Variants in FANCB observed in about 807,000 individuals in gnomAD.
FANCB encodes the protein Fanconi anemia group B protein.
In FANCB, 5 loss-of-function variants were observed where a neutral mutation model predicts 38.9. That is an observed-to-expected ratio of 0.13 (90% confidence interval 0.07 to 0.27). The LOEUF (loss-of-function observed/expected upper bound fraction) is 0.27. FANCB is among the 10% of genes least tolerant of loss of function. The pLI, the probability that FANCB is intolerant of heterozygous loss-of-function variation, is 1.00. For synonymous variants in FANCB, 236 were observed against 215.4 expected, an observed-to-expected ratio of 1.10 and a Z score of -0.84; for missense variants, 573 against 602.7, an observed-to-expected ratio of 0.95 and a Z score of 0.52.
At chrX:14,870,256 A>G (rs970325463) in intron 1 of FANCB, among the ~76,000 whole-genome samples, 1 of 111,859 alleles carries the variant, frequency 8.9e-6, no homozygotes, top group Admixed American at 9.5e-5. Flanking sequence ...CATATCTGGA[A>G]ACAAATCAAA....
intron 5 of FANCB, among the ~76,000 whole-genome samples, chrX:14,853,501 C>T (rs971021822): frequency 2.7e-5 from 3 of 111,737 alleles, no homozygotes; most frequent in African/African-American, 9.8e-5. Context: ...TACAAATACA[C>T]TCACCCCACA....
At chrX:14,794,210 G>A in the FANCB span, among the ~76,000 whole-genome samples, 89 of 111,463 alleles carry the variant, frequency 8.0e-4, no homozygotes, top group East Asian at 0.021. Context: ...GATTTTTAAC[G>A]TATCTTAGAG....
the FANCB span, among the ~76,000 whole-genome samples, chrX:14,811,323 C>T: frequency 9.0e-6 from 1 of 111,677 alleles, no homozygotes; most frequent in East Asian, 2.8e-4. Context: ...ACAATATTAA[C>T]TTTAAATGTA....
At chrX:14,845,559 AG>A (rs1417355888) in intron 7 of FANCB, among the ~76,000 whole-genome samples, 1 of 111,935 alleles carries the variant, frequency 8.9e-6, no homozygotes, top group East Asian at 2.8e-4. Context: ...GAATGGTATT[AG>A]GAATGATAGT....
At chrX:14,816,096 G>T in the FANCB span, among the ~76,000 whole-genome samples, 1 of 111,635 alleles carries the variant, frequency 9.0e-6, no homozygotes, top group East Asian at 2.8e-4. Context: ...TATACTAAGA[G>T]CCCAGACTTC....
the FANCB span, among the ~76,000 whole-genome samples, chrX:14,773,212 G>A: frequency 1.8e-5 from 2 of 112,474 alleles, no homozygotes; most frequent in Non-Finnish European, 3.8e-5. Flanking sequence ...TTTAAAAGGT[G>A]TTTGTGAACA....
At chrX:14,692,426 G>A in the FANCB span, among the ~76,000 whole-genome samples, 9 of 111,848 alleles carry the variant, frequency 8.0e-5, no homozygotes. Context: ...ACAGTACAGA[G>A]TTAAAAGAAT....
At chrX:14,821,299 A>G in the FANCB span, among the ~76,000 whole-genome samples, 1 of 111,954 alleles carries the variant, frequency 8.9e-6, no homozygotes, top group African/African-American at 3.2e-5. Context: ...ACACACTATA[A>G]TTGTATCACA....
At position 14,843,562 on chromosome X, in the gene FANCB, T is replaced by G; in HGVS notation, c.*5A>C. The G allele has an allele frequency of 4.4e-6, 5 of 1,147,702 alleles. No homozygotes were observed. The highest frequency in any genetic ancestry group is 5.9e-6 in the Non-Finnish European group (5 of 844,452). 94.6% of individuals were successfully genotyped at this position (1,147,702 alleles called of 1,213,427 possible). A position where few individuals can be genotyped will look rare whatever the true frequency, so the allele number is the denominator to read the frequency against. On this transcript the variant is annotated 3_prime_UTR_variant, in exon 10 of 10. Coordinates refer to ENST00000650831, the MANE Select transcript of FANCB (RefSeq NM_001018113.3). ...TTTTAAAATATGATCAAATTGAAATTATAATTATAAATTACTCAGTTTCTG... is the reference window on the plus strand; with the variant it reads ...TTTTAAAATATGATCAAATTGAAATGATAATTATAAATTACTCAGTTTCTG...
chrX:14,828,053 A>G, the FANCB span, among the ~76,000 whole-genome samples: 1 of 112,626 alleles, frequency 8.9e-6, no homozygotes, highest in Non-Finnish European at 1.9e-5. Context: ...TACTAAGTGT[A>G]TAACAGCATT....
In FANCB at chrX:14,837,583, GGAT is replaced by G. The variant is rs765465738; in HGVS notation, c.*1567-1331_*1567-1329del. 5.3e-5 allele frequency among the ~76,000 whole-genome samples: 6 copies of G among 112,253 alleles called. No individual in the cohort carries two copies. In the East Asian group the frequency reaches 1.4e-3, roughly 26 times the overall value. On this transcript the variant is annotated intron_variant and NMD_transcript_variant, in intron 10 of 10. Transcript: ENST00000643728. ...AATAACTTGCTCATTACAGGATTTA[GGAT>G]GATGTGGCCCACATTCTCCCTGACA...
Position 14,845,165 on chromosome X carries a change from A to C in FANCB, c.1618T>G (p.Leu540Val), listed in dbSNP as rs144205393. The change falls in exon 8 of 10, where the codon TTG becomes GTG. Residue 540 changes from leucine to valine, a missense_variant. By Grantham distance (32) the Leu-to-Val change is conservative (BLOSUM62 1). Transcript: ENST00000650831. Reference sequence around the variant, plus strand: ...TCCAATCCTATTTCACATGGCATCAAGTATGGTGCTGGGAAAGGATTTGTA... The same window carrying C: ...TCCAATCCTATTTCACATGGCATCACGTATGGTGCTGGGAAAGGATTTGTA... ...LSTNPFPAPY[L>V]MPCEIGLEAK... The C allele has an allele frequency of 8.3e-7, 1 of 1,208,668 alleles. No homozygotes were observed. The highest frequency in any genetic ancestry group is 1.8e-5 in the African/African-American group (1 of 57,130).
chrX:14,696,715 G>A, the FANCB span, among the ~76,000 whole-genome samples: 7 of 112,054 alleles, frequency 6.2e-5, no homozygotes, highest in African/African-American at 2.3e-4. Context: ...TGGGTTTGAG[G>A]AAGGAGGAAA....
the FANCB span, among the ~76,000 whole-genome samples, chrX:14,813,170 A>G: frequency 9.1e-6 from 1 of 109,529 alleles, no homozygotes; most frequent in South Asian, 3.9e-4. Flanking sequence ...GTATCTCAAA[A>G]TAATAAGAGC....
chrX:14,762,265 G>A, the FANCB span, among the ~76,000 whole-genome samples: 1 of 111,112 alleles, frequency 9.0e-6, no homozygotes, highest in African/African-American at 3.3e-5. Context: ...CCATGAGGGT[G>A]CTGCCCTTAT....
chrX:14,744,929 T>A, the FANCB span, among the ~76,000 whole-genome samples: 8 of 111,128 alleles, frequency 7.2e-5, no homozygotes, highest in African/African-American at 2.6e-4. Context: ...TATGTCAGCA[T>A]GGTTCACTCA....
At chrX:14,721,587 T>G in the FANCB span, among the ~76,000 whole-genome samples, 1 of 111,829 alleles carries the variant, frequency 8.9e-6, no homozygotes, top group Admixed American at 9.5e-5. Flanking sequence ...ATTGCCTGTC[T>G]GAAAGAGCTT....
At chrX:14,783,407 CAGCCTTCTGGGCCTGCAG>C in the FANCB span, among the ~76,000 whole-genome samples, 12 of 112,186 alleles carry the variant, frequency 1.1e-4, no homozygotes, top group East Asian at 1.7e-3. Context: ...GCACTTCCCA[CAGCCTTCTGGGCCTGCAG>C]AGCAGTTCTC....
At chrX:14,733,108 G>A in the FANCB span, among the ~76,000 whole-genome samples, 383 of 111,809 alleles carry the variant, frequency 3.4e-3, 1 homozygote, top group African/African-American at 0.011. Context: ...CCAGTTTTCC[G>A]AACACCAATT....
Sources: gnomAD v4.1 joint callset for allele counts (sites outside exome capture counted in the v4.1 genomes callset) on GRCh38, gnomAD v4.1.1 for gene constraint, MANE v1.5 for transcripts, NCBI Gene and HGNC (gene_info 2026-07-23, HGNC 2026-07-21) for gene names.